The following ATRNL1 variants were observed in gnomAD, a reference collection of about 807,000 sequenced individuals.
ATRNL1 encodes the protein attractin-like protein 1.
ATRNL1 carries 95 observed loss-of-function variants against 182.7 expected under a neutral mutation model. The ratio of observed to expected loss-of-function variants is 0.52; its 90% confidence interval spans 0.44 to 0.62. ATRNL1 has a LOEUF of 0.62. Among genes scored for constraint, ATRNL1 ranks in the 20% least tolerant of loss-of-function variants. The pLI, the probability that ATRNL1 is intolerant of heterozygous loss-of-function variation, is 0.00. For synonymous variants in ATRNL1, 576 were observed against 568.3 expected (o/e 1.01, Z -0.19); for missense variants, 1,471 against 1,679.5 (o/e 0.88, Z 2.17).
intron 21 of ATRNL1, among the ~76,000 whole-genome samples, chr10:115,432,396 T>A (rs1846215647): frequency 6.6e-6 from 1 of 152,106 alleles, no homozygotes; most frequent in Non-Finnish European, 1.5e-5. Context: ...GGTAAAGCAC[T>A]AGGTGGCACT....
chr10:115,153,727 G>T (rs1412394603), intron 5 of ATRNL1, among the ~76,000 whole-genome samples: 2 of 151,852 alleles, frequency 1.3e-5, no homozygotes, highest in South Asian at 4.2e-4. Context: ...CTTCAGTTCT[G>T]CTCTGATCTT....
chr10:115,939,969 C>T (rs188608872), intron 28 of ATRNL1, among the ~76,000 whole-genome samples: 5 of 152,244 alleles, frequency 3.3e-5, no homozygotes, highest in Non-Finnish European at 5.9e-5. Context: ...CAGAAAAGAT[C>T]GCAAACGACC....
At chr10:115,891,056 G>A (rs1555111133) in intron 28 of ATRNL1, among the ~76,000 whole-genome samples, 6 of 152,066 alleles carry the variant, frequency 3.9e-5, no homozygotes, top group African/African-American at 7.2e-5. Flanking sequence ...CTTGCCTACA[G>A]CATTAACAGA....
chr10:115,327,344 A>G (rs1269259383), intron 18 of ATRNL1, among the ~76,000 whole-genome samples: 32 of 152,098 alleles, frequency 2.1e-4, no homozygotes, highest in Non-Finnish European at 4.1e-4. Flanking sequence ...AATGCTCACC[A>G]TCACTGACCA....
intron 8 of ATRNL1, among the ~76,000 whole-genome samples, chr10:115,209,317 G>A (rs2144363912): frequency 6.6e-6 from 1 of 151,038 alleles, no homozygotes; most frequent in South Asian, 2.1e-4. Flanking sequence ...CAATCATAGA[G>A]CCTACACTTG....
chr10:115,108,969 T>C (rs1554866990), intron 1 of ATRNL1, among the ~76,000 whole-genome samples: 2 of 152,190 alleles, frequency 1.3e-5, no homozygotes, highest in Non-Finnish European at 2.9e-5. Context: ...CAGTTTGCAG[T>C]ATCTCTTTCC....
intron 5 of ATRNL1, among the ~76,000 whole-genome samples, chr10:115,140,529 T>G (rs559068291): frequency 6.6e-6 from 1 of 152,262 alleles, no homozygotes; most frequent in East Asian, 1.9e-4. Context: ...TACAACAGAT[T>G]TTTTTTCCTA....
intron 27 of ATRNL1, among the ~76,000 whole-genome samples, chr10:115,800,763 A>G (rs555085090): frequency 1.2e-4 from 18 of 152,216 alleles, no homozygotes; most frequent in Non-Finnish European, 2.2e-4. Context: ...TCTTTCTGTC[A>G]TGTGAGGACA....
intron 24 of ATRNL1, among the ~76,000 whole-genome samples, chr10:115,512,735 T>C (rs1217706861): frequency 6.6e-6 from 1 of 151,910 alleles, no homozygotes; most frequent in Non-Finnish European, 1.5e-5. Flanking sequence ...AAAATAATTT[T>C]AGATTGTAGT....
intron 27 of ATRNL1, among the ~76,000 whole-genome samples, chr10:115,738,077 T>C (rs1246104287): frequency 1.3e-5 from 2 of 149,528 alleles, no homozygotes; most frequent in Admixed American, 1.4e-4. Flanking sequence ...AGAAGGAAAT[T>C]GTAAGGAAAT....
At chr10:115,238,166 G>A (rs1850264760) in intron 9 of ATRNL1, among the ~76,000 whole-genome samples, 1 of 152,136 alleles carries the variant, frequency 6.6e-6, no homozygotes, top group Non-Finnish European at 1.5e-5. Context: ...CCAAAGCCAG[G>A]TGATGTCAAT....
intron 26 of ATRNL1, among the ~76,000 whole-genome samples, chr10:115,604,188 T>C (rs1472021570): frequency 2.0e-5 from 3 of 152,224 alleles, no homozygotes; most frequent in African/African-American, 7.2e-5. Context: ...TTTACATTAC[T>C]GAGGATATGA....
chr10:115,113,433 A>G (rs1297567534), intron 1 of ATRNL1, among the ~76,000 whole-genome samples: 2 of 151,968 alleles, frequency 1.3e-5, no homozygotes, highest in Non-Finnish European at 2.9e-5. Context: ...TTCCTAATTG[A>G]TATGGTTTGG....
In ATRNL1 at chr10:115,268,422, C is replaced by T. The variant is rs141562593; in HGVS notation, c.2078C>T (p.Ser693Leu). ...TGGTGTGATGACAAGAAATGCATTT[C>T]GGCAAATAGTAACTGCAGTATGGTT... Reference protein sequence around the residue: ...CQWCDDKKCISANSNCSMSVK... With the variant: ...CQWCDDKKCILANSNCSMSVK... The change falls in exon 13 of 29, where the codon TCG becomes TTG. Residue 693 changes from serine to leucine, a missense_variant. Physicochemically the swap from Ser to Leu is moderately radical, Grantham distance 145 (BLOSUM62 -2). This residue lies in a region of ATRNL1 where 1,031 missense variants were observed against 1,156.0 expected (regional missense o/e 0.89). Coordinates refer to ENST00000355044, the MANE Select transcript of ATRNL1 (RefSeq NM_207303.4). 4.3e-5 allele frequency: 70 copies of T among 1,611,540 alleles called. No individual in the cohort carries two copies. Among genetic ancestry groups the T allele is most frequent in the Admixed American group, 3.5e-4 (21 of 59,922 alleles).
At chr10:115,871,469 TTGTGTGTGTG>T (rs59295682) in intron 28 of ATRNL1, among the ~76,000 whole-genome samples, 2,768 of 140,044 alleles carry the variant, frequency 0.02, 193 homozygotes, top group African/African-American at 0.067. Context: ...GTCAGATTCT[TTGTGTGTGTG>T]TATATATATA....
At chr10:115,497,173 A>G (rs1450269803) in intron 24 of ATRNL1, among the ~76,000 whole-genome samples, 1 of 152,132 alleles carries the variant, frequency 6.6e-6, no homozygotes. Context: ...TTGTGCTTGC[A>G]TTATGAAATT....
intron 27 of ATRNL1, among the ~76,000 whole-genome samples, chr10:115,847,564 G>C (rs2134355052): frequency 6.6e-6 from 1 of 152,216 alleles, no homozygotes. Context: ...TTTGAATTGT[G>C]ATCACTTAAT....
At chr10:115,856,437 A>AAAAAAAAAAAAAAAAAAAAAAAAAAAC (rs1555102078) in intron 28 of ATRNL1, among the ~76,000 whole-genome samples, 1 of 143,868 alleles carries the variant, frequency 7.0e-6, no homozygotes. Context: ...TCAAAAAAAA[A>AAAAAAAAAAAAAAAAAAAAAAAAAAAC]AAAAAAAAAA....
intron 24 of ATRNL1, among the ~76,000 whole-genome samples, chr10:115,483,754 T>A (rs1183585344): frequency 6.6e-6 from 1 of 151,708 alleles, no homozygotes; most frequent in Non-Finnish European, 1.5e-5. Flanking sequence ...GTGTTATGAT[T>A]CCATTTTACT....
Sources: gnomAD v4.1 joint callset for allele counts (sites outside exome capture counted in the v4.1 genomes callset) on GRCh38, gnomAD v4.1.1 for gene constraint, gnomAD v4.1.1 regional missense constraint, MANE v1.5 for transcripts, NCBI Gene and HGNC (gene_info 2026-07-23, HGNC 2026-07-21) for gene names.